Variants in CTBP1 observed in about 807,000 individuals in gnomAD.
CTBP1 encodes the protein C-terminal-binding protein 1.
CTBP1 carries 11 observed loss-of-function variants against 42.1 expected under a neutral mutation model. The observed-to-expected ratio is 0.26, with a 90% CI of 0.16 to 0.43. CTBP1 has a LOEUF of 0.43. Among genes scored for constraint, CTBP1 ranks in the 20% least tolerant of loss-of-function variants. The pLI is 1.00. For missense variants in CTBP1, 399 were observed against 624.3 expected (o/e 0.64, Z 3.85); for synonymous variants, 324 against 277.1 (o/e 1.17, Z -1.68).
intron 4 of CTBP1, 46 bp downstream of exon 4, chr4:1,228,153 G>A (rs778518021): frequency 6.2e-6 from 10 of 1,604,486 alleles, no homozygotes; most frequent in South Asian, 3.3e-5. Flanking sequence ...AAGACGGGAC[G>A]GAGCTTGCAT....
At chr4:1,217,958 G>A (rs1051250648) in intron 5 of CTBP1, 2 of 152,168 alleles carry the variant, frequency 1.3e-5, no homozygotes, top group Non-Finnish European at 2.9e-5. Flanking sequence ...ACTCTATAAA[G>A]AACCACATAG....
In CTBP1 at chr4:1,223,221, T is replaced by G. The variant is rs1033294021; in HGVS notation, c.514+2139A>C. ...CTCAACAAACCACACATGCGGGCCA[T>G]GGCCCTGACATAGGAGGGGCCGCCC... On this transcript the variant is annotated intron_variant, in intron 5 of 9. Coordinates refer to ENST00000382952, the MANE Select transcript of CTBP1 (RefSeq NM_001012614.2). Among the ~76,000 whole-genome samples, 5 of 146,358 alleles carry G rather than the reference T, an allele frequency of 3.4e-5. No individual in the cohort carries two copies. In the South Asian group the frequency reaches 7.3e-4, roughly 21 times the overall value.
chr4:1,244,394 A>AT, intron 1 of CTBP1: 1 of 984,410 alleles, frequency 1.0e-6, no homozygotes, highest in Non-Finnish European at 1.2e-6. Flanking sequence ...GGGCACCAAG[A>AT]TGCGCCAGGA....
chr4:1,228,984 A>G (rs1485674997), intron 3 of CTBP1, among the ~76,000 whole-genome samples: 1 of 152,226 alleles, frequency 6.6e-6, no homozygotes, highest in African/African-American at 2.4e-5. Context: ...CAGTGTTCAC[A>G]ACAGTCACGT....
chr4:1,215,674 C>T (rs943037006), intron 6 of CTBP1: 31 of 409,036 alleles, frequency 7.6e-5, no homozygotes, highest in African/African-American at 1.6e-4. Flanking sequence ...TCACAAGGGC[C>T]GACCCAACGC....
intron 5 of CTBP1, 92 bp from the exon 6 acceptor site, chr4:1,216,297 C>T: frequency 8.0e-7 from 1 of 1,257,234 alleles, no homozygotes; most frequent in Non-Finnish European, 1.1e-6. Flanking sequence ...CTCTGTGCCT[C>T]AGTTTGACCA....
At position 1,212,070 on chromosome 4, in the gene CTBP1, G is replaced by A. The variant is rs1284954515; in HGVS notation, c.*170C>T. 4 of 480,548 alleles carry A rather than the reference G, an allele frequency of 8.3e-6. No individual in the cohort carries two copies. The highest frequency in any genetic ancestry group is 5.2e-5 in the South Asian group (1 of 19,246). 29.8% of individuals were successfully genotyped at this position (480,548 alleles called of 1,614,324 possible). A position where few individuals can be genotyped will look rare whatever the true frequency, so the allele number is the denominator to read the frequency against. ...ACACAGGGCAGAGCGCCCACAGGAC[G>A]GACGACGACAAGCGACACGAGGCCC... On this transcript the variant is annotated 3_prime_UTR_variant, in exon 10 of 10. Transcript: ENST00000382952.
Position 1,233,286 on chromosome 4 carries a change from C to G in CTBP1, c.162+4897G>C, listed in dbSNP as rs577280211. 6.6e-6 allele frequency: 1 copy of G among 152,474 alleles called. No individual in the cohort carries two copies. Among genetic ancestry groups the G allele is most frequent in the South Asian group, 2.1e-4 (1 of 4,832 alleles). 9.4% of individuals were successfully genotyped at this position (152,474 alleles called of 1,614,324 possible). ...TTTTTCCCAGTCACCATGACAACGC[C>G]TGCTTGTGTGTTTTTCCGGGATTTC... On this transcript the variant is annotated intron_variant, in intron 3 of 9. Coordinates refer to ENST00000382952, the MANE Select transcript of CTBP1 (RefSeq NM_001012614.2). The surrounding 1 kb of genome is among the most constrained non-coding windows in gnomAD (Gnocchi z 4.6).
rs1213642302 is a variant in CTBP1, at chr4:1,245,775, C to T, written c.-189+3141G>A. Reference sequence around the variant, plus strand: ...GCACGGGTAGGCAGGGTGGCTTGGGCCACACCAGGCCTGGAGAGTTAACGG... The same window carrying T: ...GCACGGGTAGGCAGGGTGGCTTGGGTCACACCAGGCCTGGAGAGTTAACGG... On this transcript the variant is annotated intron_variant, in intron 1 of 9. Transcript: ENST00000382952. Among the ~76,000 whole-genome samples, 4 of 152,006 alleles carry T rather than the reference C, an allele frequency of 2.6e-5. No individual in the cohort carries two copies. In the South Asian group the frequency reaches 6.2e-4, roughly 24 times the overall value.
At chr4:1,230,641 G>A (rs192635027) in intron 3 of CTBP1, among the ~76,000 whole-genome samples, 23 of 152,362 alleles carry the variant, frequency 1.5e-4, no homozygotes, top group South Asian at 8.3e-4. Context: ...TTGTGTGTAC[G>A]CAGGCAACAG....
At chr4:1,221,067 A>G (rs576836086) in intron 5 of CTBP1, among the ~76,000 whole-genome samples, 7 of 152,366 alleles carry the variant, frequency 4.6e-5, no homozygotes, top group African/African-American at 7.2e-5. Flanking sequence ...GAAAAAACAA[A>G]AATTTTGAAA....
At chr4:1,216,779 G>C in intron 5 of CTBP1, 1 of 165,964 alleles carries the variant, frequency 6.0e-6, no homozygotes, top group South Asian at 1.5e-4. Context: ...GCAGTCCAAG[G>C]CTGGCACGGG....
intron 1 of CTBP1, among the ~76,000 whole-genome samples, chr4:1,246,817 C>G (rs1732766999): frequency 1.3e-5 from 2 of 152,074 alleles, no homozygotes; most frequent in Admixed American, 6.5e-5. Flanking sequence ...GAGAGCATGA[C>G]TACTTCTGTC....
intron 1 of CTBP1, chr4:1,244,291 C>T (rs1447766616): frequency 1.0e-6 from 1 of 982,786 alleles, no homozygotes. Flanking sequence ...CCCCGGCACA[C>T]TGGGGGTCAC....
At chr4:1,227,989 A>G (rs1577047061) in intron 4 of CTBP1, among the ~76,000 whole-genome samples, 1 of 152,152 alleles carries the variant, frequency 6.6e-6, no homozygotes, top group African/African-American at 2.4e-5. Context: ...CTGCTGCCCA[A>G]AAGAGAGGAA....
At chr4:1,248,687 A>C (rs112863928) in intron 1 of CTBP1, 4 of 980,774 alleles carry the variant, frequency 4.1e-6, no homozygotes, top group South Asian at 4.7e-5. Flanking sequence ...CGGGGAGAGC[A>C]GACTGCGGCG....
At chr4:1,243,132 C>T (rs930865934) in intron 1 of CTBP1, 36 of 985,314 alleles carry the variant, frequency 3.7e-5, no homozygotes, top group Admixed American at 6.1e-5. Flanking sequence ...TCGTCAAGAC[C>T]GGCCAATACT....
chr4:1,245,486 G>A, intron 1 of CTBP1: 4 of 985,396 alleles, frequency 4.1e-6, no homozygotes, highest in Non-Finnish European at 3.6e-6. Context: ...ATGCCTCTGA[G>A]GCTCCTGCCA....
At chr4:1,225,649 G>C in intron 4 of CTBP1, 83 bp from the exon 5 acceptor site, 1 of 1,378,104 alleles carries the variant, frequency 7.3e-7, no homozygotes, top group Non-Finnish European at 9.7e-7. Flanking sequence ...ACTGGAGCGG[G>C]TTTGAAGCTT....
Sources: allele counts gnomAD v4.1 joint callset (sites outside exome capture counted in the v4.1 genomes callset), GRCh38; gene constraint gnomAD v4.1.1; non-coding constraint Gnocchi (gnomAD v3.1); transcripts MANE v1.5; gene names NCBI Gene and HGNC (gene_info 2026-07-23, HGNC 2026-07-21).